MAF: variants seen among roughly 807,000 people sequenced by gnomAD.
MAF encodes transcription factor Maf.
Under a neutral mutation model 22.0 loss-of-function variants are expected in MAF, and 10 were observed. The observed-to-expected ratio is 0.45, with a 90% CI of 0.28 to 0.77. The LOEUF (loss-of-function observed/expected upper bound fraction) is 0.77. Among genes scored for constraint, MAF ranks in the 30% least tolerant of loss-of-function variants. The probability of loss-of-function intolerance (pLI) is 0.12; values close to 1 mark genes in which losing one functional copy is unlikely to be tolerated. For missense variants in MAF, 544 were observed against 548.4 expected, an observed-to-expected ratio of 0.99 and a Z score of 0.08; for synonymous variants, 337 against 255.8, an observed-to-expected ratio of 1.32 and a Z score of -3.03.
the MAF span, among the ~76,000 whole-genome samples, chr16:79,267,847 T>C: frequency 2.0e-5 from 3 of 152,122 alleles, no homozygotes; most frequent in Non-Finnish European, 1.5e-5. Flanking sequence ...GACAGATTAT[T>C]TCTTTCCACT....
chr16:79,215,917 C>A, the MAF span, among the ~76,000 whole-genome samples: 3 of 152,172 alleles, frequency 2.0e-5, no homozygotes, highest in African/African-American at 4.8e-5. Flanking sequence ...ATTGCCCCCT[C>A]ATGCCCATTT....
the MAF span, among the ~76,000 whole-genome samples, chr16:79,523,673 T>G: frequency 6.6e-5 from 10 of 152,152 alleles, no homozygotes; most frequent in African/African-American, 2.2e-4. Context: ...AGGTGCTCAG[T>G]AGTGACCTTA....
the MAF span, among the ~76,000 whole-genome samples, chr16:79,368,063 G>T: frequency 1.3e-5 from 2 of 152,196 alleles, no homozygotes; most frequent in Admixed American, 1.3e-4. Flanking sequence ...CCTGCTCAGA[G>T]GCTAGAGGCT....
the MAF span, among the ~76,000 whole-genome samples, chr16:79,572,641 C>T: frequency 3.9e-5 from 6 of 152,200 alleles, no homozygotes; most frequent in Non-Finnish European, 7.4e-5. Flanking sequence ...ATGCCAGGCA[C>T]TGACCACTTT....
chr16:79,270,344 T>A, the MAF span, among the ~76,000 whole-genome samples: 3 of 152,020 alleles, frequency 2.0e-5, no homozygotes, highest in African/African-American at 7.2e-5. Context: ...GAACCCAAAG[T>A]AGTAGCAAGG....
chr16:79,580,759 C>T, the MAF span, among the ~76,000 whole-genome samples: 2 of 151,726 alleles, frequency 1.3e-5, no homozygotes, highest in African/African-American at 4.8e-5. Flanking sequence ...AGCCTGTGCA[C>T]TTTTCATTTT....
At chr16:79,330,350 C>G in the MAF span, among the ~76,000 whole-genome samples, 1 of 152,176 alleles carries the variant, frequency 6.6e-6, no homozygotes, top group Non-Finnish European at 1.5e-5. Flanking sequence ...TTTGGAGATG[C>G]CAGGAAAGGC....
the MAF span, among the ~76,000 whole-genome samples, chr16:79,528,189 G>T: frequency 1.1e-4 from 17 of 152,154 alleles, no homozygotes; most frequent in Non-Finnish European, 2.2e-4. Flanking sequence ...AGTTGCCAGG[G>T]ATCTCATATT....
At chr16:79,425,499 G>C in the MAF span, among the ~76,000 whole-genome samples, 1 of 152,182 alleles carries the variant, frequency 6.6e-6, no homozygotes, top group Non-Finnish European at 1.5e-5. Flanking sequence ...GAACTGATTG[G>C]AAAAGTTGAA....
chr16:79,527,581 C>A, the MAF span, among the ~76,000 whole-genome samples: 2 of 152,146 alleles, frequency 1.3e-5, no homozygotes, highest in African/African-American at 4.8e-5. Context: ...ATCATTAAAA[C>A]CACTTCTTAG....
chr16:79,279,452 G>A, the MAF span, among the ~76,000 whole-genome samples: 1 of 152,210 alleles, frequency 6.6e-6, no homozygotes, highest in African/African-American at 2.4e-5. Flanking sequence ...ACACTCCATG[G>A]ACTTGCTTTC....
chr16:79,563,292 T>C, the MAF span, among the ~76,000 whole-genome samples: 1 of 152,224 alleles, frequency 6.6e-6, no homozygotes, highest in Non-Finnish European at 1.5e-5. Context: ...TACAGAACAC[T>C]GGCAATGTGG....
chr16:79,345,055 T>C, the MAF span, among the ~76,000 whole-genome samples: 859 of 152,306 alleles, frequency 5.6e-3, 7 homozygotes, highest in African/African-American at 0.019. Flanking sequence ...AATAGGAATA[T>C]TTCAGTTTAA....
the MAF span, among the ~76,000 whole-genome samples, chr16:79,341,867 C>G: frequency 6.6e-6 from 1 of 152,096 alleles, no homozygotes; most frequent in Non-Finnish European, 1.5e-5. Context: ...GATAAACTTG[C>G]TGGTGGATTG....
chr16:79,434,352 C>T, the MAF span, among the ~76,000 whole-genome samples: 2 of 152,172 alleles, frequency 1.3e-5, no homozygotes, highest in African/African-American at 4.8e-5. Flanking sequence ...GAGGGGGAAC[C>T]TTAATTTTAA....
chr16:79,503,284 C>T, the MAF span, among the ~76,000 whole-genome samples: 5,885 of 152,192 alleles, frequency 0.039, 366 homozygotes, highest in African/African-American at 0.13. Flanking sequence ...GCTCCAGAAA[C>T]GATGCTAAGT....
chr16:79,541,215 C>T, the MAF span, among the ~76,000 whole-genome samples: 8 of 152,164 alleles, frequency 5.3e-5, no homozygotes, highest in South Asian at 1.2e-3. Flanking sequence ...CGACTGCTAT[C>T]GTACTCTAAG....
At chr16:79,350,609 GC>G in the MAF span, among the ~76,000 whole-genome samples, 2 of 152,130 alleles carry the variant, frequency 1.3e-5, no homozygotes. Flanking sequence ...ACCTCCCGCT[GC>G]TTTTCTCTGT....
At chr16:79,542,877 G>A in the MAF span, among the ~76,000 whole-genome samples, 60 of 152,294 alleles carry the variant, frequency 3.9e-4, no homozygotes, top group East Asian at 0.011. Context: ...ACATAAGTTA[G>A]ACTCTGGGTG....
Sources: allele counts gnomAD v4.1 joint callset (sites outside exome capture counted in the v4.1 genomes callset), GRCh38; gene constraint gnomAD v4.1.1; transcripts MANE v1.5; gene names NCBI Gene and HGNC (gene_info 2026-07-23, HGNC 2026-07-21).